The following SRD5A3 variants were observed in gnomAD, a reference collection of about 807,000 sequenced individuals.
SRD5A3 encodes the protein steroid 5 alpha-reductase 3.
In SRD5A3, 24 loss-of-function variants were observed where a neutral mutation model predicts 34.3. The ratio of observed to expected loss-of-function variants is 0.70; its 90% CI spans 0.51 to 0.99. The LOEUF (loss-of-function observed/expected upper bound fraction) is 0.99, where lower values mean the gene tolerates loss of function less well. SRD5A3 is among the 50% of genes least tolerant of loss of function. The pLI is 0.00. For synonymous variants in SRD5A3, 161 were observed against 167.3 expected (o/e 0.96, Z 0.29); for missense variants, 350 against 388.2 (o/e 0.90, Z 0.83).
Position 55,370,049 on chromosome 4 carries a change from T to A in SRD5A3, c.915T>A (p.Ser305=). 1 of 1,614,150 alleles carries A rather than the reference T, an allele frequency of 6.2e-7. No homozygotes were observed. The highest frequency in any genetic ancestry group is 8.5e-7 in the Non-Finnish European group (1 of 1,180,038). Residue 305 remains serine (S), a synonymous_variant, in exon 5 of 5, where the codon TCT becomes TCA. Transcript: ENST00000264228. ...AATTCTACAAAAGCAAATTTGTCTC[T>A]TACCCGAAGCATAGGAAAGCTTTCC... ...SHQFYKSKFV[S]YPKHRKAFLP... is the part of the protein sequence containing the mutation.
chr4:55,371,218 T>TA lies in SRD5A3; in HGVS notation c.*1128dup, dbSNP rs1720117389. 1 of 152,250 alleles carries TA rather than the reference T, an allele frequency of 6.6e-6. No individual in the cohort carries two copies. Among genetic ancestry groups the TA allele is most frequent in the South Asian group, 2.1e-4 (1 of 4,834 alleles). The allele number at this position is 152,250 out of a possible 1,614,324, so 9.4% of individuals were successfully genotyped here. Reference sequence around the variant, plus strand: ...TACTGTAGCCTCATTCATATGTAGTTATTCAAATTGGATTAATGTCTGTGT... The same window carrying TA: ...TACTGTAGCCTCATTCATATGTAGTTAATTCAAATTGGATTAATGTCTGTGT... On this transcript the variant is annotated 3_prime_UTR_variant, in exon 5 of 5. Transcript: ENST00000264228.
rs1407504709 is a variant in SRD5A3 at position 55,370,464 on chromosome 4, CACACACACAAAG to C, written c.*374_*385del. ...ACACACACACACACACACACACACA[CACACACACAAAG>C]GAAGATCATCAATGGCTGCGGTAGC... On this transcript the variant is annotated 3_prime_UTR_variant, in exon 5 of 5. Coordinates refer to ENST00000264228, the MANE Select transcript of SRD5A3 (RefSeq NM_024592.5). The C allele has an allele frequency of 8.6e-3, 2,182 of 253,890 alleles. 45 individuals are homozygous for C. Among genetic ancestry groups the C allele is most frequent in the African/African-American group, 0.05 (2,073 of 41,276 alleles). 15.7% of individuals were successfully genotyped at this position (253,890 alleles called of 1,614,324 possible).
At chr4:55,350,738 C>T (rs1253370964) in intron 1 of SRD5A3, among the ~76,000 whole-genome samples, 3 of 150,046 alleles carry the variant, frequency 2.0e-5, no homozygotes, top group South Asian at 4.2e-4. Flanking sequence ...TCTGAGATTT[C>T]GTACCTTTTG....
chr4:55,357,222 G>A (rs1578205357), intron 1 of SRD5A3, among the ~76,000 whole-genome samples: 1 of 152,290 alleles, frequency 6.6e-6, no homozygotes, highest in East Asian at 1.9e-4. Context: ...CCCACTCTAA[G>A]GTAAACTCCC....
At chr4:55,367,791 A>G in intron 4 of SRD5A3, 69 bp downstream of exon 4, 1 of 1,595,908 alleles carries the variant, frequency 6.3e-7, no homozygotes, top group Non-Finnish European at 8.6e-7. Context: ...ATGGTCCTGC[A>G]TGCTTTTCCT....
chr4:55,352,131 A>G, intron 1 of SRD5A3: 1 of 816,172 alleles, frequency 1.2e-6, no homozygotes, highest in Non-Finnish European at 2.2e-6. Flanking sequence ...GTATACAGAC[A>G]GTCCATCATT....
chr4:55,346,728 G>A (rs950491184), intron 1 of SRD5A3, among the ~76,000 whole-genome samples, 171 bp downstream of exon 1: 5 of 152,126 alleles, frequency 3.3e-5, no homozygotes, highest in African/African-American at 1.2e-4. Flanking sequence ...GCCATGCCCC[G>A]GCTGCTGCGT....
At chr4:55,354,823 C>CGT (rs1232367513) in intron 1 of SRD5A3, among the ~76,000 whole-genome samples, 3 of 151,266 alleles carry the variant, frequency 2.0e-5, no homozygotes, top group Non-Finnish European at 4.4e-5. Flanking sequence ...TGTGTGCGCG[C>CGT]GTGCGTGCGC....
At chr4:55,351,787 G>C in intron 1 of SRD5A3, 1 of 472,866 alleles carries the variant, frequency 2.1e-6, no homozygotes, top group Non-Finnish European at 4.1e-6. Context: ...TTGAAGAAAG[G>C]CAGAGGAACT....
intron 1 of SRD5A3, among the ~76,000 whole-genome samples, chr4:55,354,806 CTGTG>C (rs150871428): frequency 8.8e-4 from 134 of 152,314 alleles, no homozygotes; most frequent in Admixed American, 4.0e-3. Context: ...ATAAAATTTA[CTGTG>C]TGTGTGTGCG....
At chr4:55,348,536 T>A (rs1719078289) in intron 1 of SRD5A3, among the ~76,000 whole-genome samples, 1 of 152,214 alleles carries the variant, frequency 6.6e-6, no homozygotes, top group African/African-American at 2.4e-5. Context: ...TGCTTATCAC[T>A]TTTATCATTT....
Position 55,369,863 on chromosome 4 carries a change from A to G in SRD5A3, c.729A>G (p.Pro243=), listed in dbSNP as rs1393745307. Residue 243 remains proline, a synonymous_variant, in exon 5 of 5, where the codon CCA becomes CCG. Coordinates refer to ENST00000264228, the MANE Select transcript of SRD5A3 (RefSeq NM_024592.5). ...TCATTCACTGTAACCACAGGATCCC[A>G]TTTGGAGACTGGTTTGAATATGTTT... ...GVVIHCNHRI[P]FGDWFEYVSS... is the part of the protein sequence containing the mutation. 2 of 1,613,930 alleles carry G rather than the reference A, an allele frequency of 1.2e-6. No homozygotes were observed. The highest frequency in any genetic ancestry group is 1.1e-5 in the South Asian group (1 of 91,090).
chr4:55,363,614 C>CT (rs1470255949), intron 2 of SRD5A3, among the ~76,000 whole-genome samples: 3 of 151,998 alleles, frequency 2.0e-5, no homozygotes, highest in Admixed American at 2.0e-4. Flanking sequence ...AGTATAATTT[C>CT]TTTTTTTTAA....
chr4:55,351,944 A>G, intron 1 of SRD5A3: 1 of 728,224 alleles, frequency 1.4e-6, no homozygotes. Context: ...TGGCCACAAT[A>G]TAAAACTTAT....
intron 1 of SRD5A3, among the ~76,000 whole-genome samples, chr4:55,353,979 G>C (rs1184216034): frequency 6.6e-6 from 1 of 152,252 alleles, no homozygotes; most frequent in East Asian, 1.9e-4. Flanking sequence ...CATTGGTGGT[G>C]ACATTAAAGC....
At chr4:55,362,404 G>A (rs972585834) in intron 2 of SRD5A3, among the ~76,000 whole-genome samples, 1 of 151,990 alleles carries the variant, frequency 6.6e-6, no homozygotes, top group African/African-American at 2.4e-5. Flanking sequence ...GGGATTACAG[G>A]CATGAGCCAC....
At chr4:55,369,404 G>T (rs1393337673) in intron 4 of SRD5A3, among the ~76,000 whole-genome samples, 1 of 152,114 alleles carries the variant, frequency 6.6e-6, no homozygotes, top group Non-Finnish European at 1.5e-5. Flanking sequence ...CAGGATGGTG[G>T]TTTACACACA....
chr4:55,360,510 A>AAAAT (rs1198190077), intron 2 of SRD5A3, among the ~76,000 whole-genome samples: 8 of 152,110 alleles, frequency 5.3e-5, no homozygotes, highest in Non-Finnish European at 1.2e-4. Context: ...TTGTCTCAAA[A>AAAAT]AAATAAATAA....
At chr4:55,350,759 AAT>A (rs1491100013) in intron 1 of SRD5A3, among the ~76,000 whole-genome samples, 1,762 of 114,332 alleles carry the variant, frequency 0.015, 26 homozygotes, top group African/African-American at 0.054. Context: ...ACCATCATTA[AAT>A]TTTTTTTTTT....
Sources: allele counts gnomAD v4.1 joint callset (sites outside exome capture counted in the v4.1 genomes callset), GRCh38; gene constraint gnomAD v4.1.1; transcripts MANE v1.5; gene names NCBI Gene and HGNC (gene_info 2026-07-23, HGNC 2026-07-21).